Variants in OSBPL10 observed in about 807,000 individuals in gnomAD.
OSBPL10 encodes the protein oxysterol-binding protein-related protein 10.
In OSBPL10, 49 loss-of-function variants were observed where a neutral mutation model predicts 81.7. That is an observed-to-expected ratio of 0.60 (90% CI 0.48 to 0.76). The LOEUF is 0.76. OSBPL10 is among the 30% of genes least tolerant of loss of function. The probability of loss-of-function intolerance (pLI) is 0.00; values close to 1 mark genes in which losing one functional copy is unlikely to be tolerated. For missense variants in OSBPL10, 923 were observed against 987.8 expected (o/e 0.93, Z 0.88); for synonymous variants, 419 against 383.6 (o/e 1.09, Z -1.08).
chr3:31,770,864 A>G (rs2125746223), intron 4 of OSBPL10, among the ~76,000 whole-genome samples: 1 of 152,250 alleles, frequency 6.6e-6, no homozygotes, highest in East Asian at 1.9e-4. Flanking sequence ...GAGAAAATAC[A>G]AGCTCCTACT....
intron 4 of OSBPL10, among the ~76,000 whole-genome samples, chr3:31,787,600 A>G (rs1420976713): frequency 6.6e-6 from 1 of 151,938 alleles, no homozygotes; most frequent in Non-Finnish European, 1.5e-5. Flanking sequence ...GCCTCAAAAA[A>G]AAAAAAAAAA....
chr3:31,778,340 G>A lies in OSBPL10; in HGVS notation c.730-30220C>T, dbSNP rs140697757. ...ACTACCCCCATCCTCCACAGTGGCC[G>A]TGGCAAGCCCTGCCCAAGGAGAGTC... On this transcript the variant is annotated intron_variant, in intron 4 of 11. Transcript: ENST00000396556. 1.9e-3 allele frequency among the ~76,000 whole-genome samples: 289 copies of A among 152,198 alleles called. 3 individuals carry two copies. The highest frequency in any genetic ancestry group is 6.6e-3 in the African/African-American group (276 of 41,526).
chr3:31,792,702 GGTGT>G (rs1404326942), intron 4 of OSBPL10, among the ~76,000 whole-genome samples: 1 of 149,802 alleles, frequency 6.7e-6, no homozygotes, highest in Non-Finnish European at 1.5e-5. Context: ...GGTGTGCAGG[GGTGT>G]GTGTGTTTTA....
At chr3:32,007,709 C>T (rs1182316030) in intron 2 of OSBPL10, among the ~76,000 whole-genome samples, 1 of 152,008 alleles carries the variant, frequency 6.6e-6, no homozygotes, top group Non-Finnish European at 1.5e-5. Context: ...TCTCAAAATT[C>T]TTTCTTTTTT....
At chr3:31,835,417 G>T (rs1575574574) in intron 3 of OSBPL10, among the ~76,000 whole-genome samples, 1 of 152,130 alleles carries the variant, frequency 6.6e-6, no homozygotes, top group South Asian at 2.1e-4. Context: ...TCAAAAGTTT[G>T]TAATTGTTGA....
At chr3:31,927,565 T>A (rs1697110648) in intron 1 of OSBPL10, among the ~76,000 whole-genome samples, 2 of 151,720 alleles carry the variant, frequency 1.3e-5, no homozygotes, top group Non-Finnish European at 1.5e-5. Context: ...AACTATTTTT[T>A]AAATTGTACT....
At position 31,909,943 on chromosome 3, in the gene OSBPL10, G is replaced by A. The variant is rs537936398; in HGVS notation, c.282-30113C>T. Among the ~76,000 whole-genome samples, 18 of 151,020 alleles carry A rather than the reference G, an allele frequency of 1.2e-4. No individual in the cohort carries two copies. In the East Asian group the frequency reaches 1.6e-3, roughly 13 times the overall value. Reference sequence around the variant, plus strand: ...GCACCAAGAGGCTGGCTACACTGGCGCTGTGTAAGACAATCATTTTGCATC... The same window carrying A: ...GCACCAAGAGGCTGGCTACACTGGCACTGTGTAAGACAATCATTTTGCATC... On this transcript the variant is annotated intron_variant, in intron 1 of 11. Coordinates refer to ENST00000396556, the MANE Select transcript of OSBPL10 (RefSeq NM_017784.5).
At chr3:31,711,635 C>T (rs1028653732) in intron 6 of OSBPL10, among the ~76,000 whole-genome samples, 3 of 152,144 alleles carry the variant, frequency 2.0e-5, no homozygotes, top group African/African-American at 7.2e-5. Context: ...TGTTGTGATT[C>T]CACTTCTATG....
At chr3:31,730,429 A>C (rs1696938650) in intron 6 of OSBPL10, among the ~76,000 whole-genome samples, 1 of 152,152 alleles carries the variant, frequency 6.6e-6, no homozygotes, top group Non-Finnish European at 1.5e-5. Flanking sequence ...TCTTGTCCTA[A>C]AGTAAGGCAT....
intron 1 of OSBPL10, among the ~76,000 whole-genome samples, chr3:31,924,104 G>A (rs1187557712): frequency 1.3e-5 from 2 of 151,572 alleles, no homozygotes; most frequent in African/African-American, 2.4e-5. Context: ...TGGAATCCCA[G>A]CTACTTGGGA....
chr3:31,997,414 G>A (rs1250317024), intron 2 of OSBPL10, among the ~76,000 whole-genome samples: 1 of 151,682 alleles, frequency 6.6e-6, no homozygotes, highest in African/African-American at 2.4e-5. Context: ...ACAAGCACGA[G>A]CCACCACACC....
intron 2 of OSBPL10, among the ~76,000 whole-genome samples, chr3:32,000,325 C>T (rs1699133149): frequency 6.6e-6 from 1 of 152,166 alleles, no homozygotes; most frequent in Non-Finnish European, 1.5e-5. Context: ...AATACGGGCT[C>T]AAAGACCAAA....
chr3:31,969,975 A>G (rs1177253170), intron 1 of OSBPL10, among the ~76,000 whole-genome samples: 1 of 152,136 alleles, frequency 6.6e-6, no homozygotes, highest in Non-Finnish European at 1.5e-5. Flanking sequence ...CAGTGGAATT[A>G]GCTGGTCCTA....
intron 3 of OSBPL10, among the ~76,000 whole-genome samples, chr3:31,841,749 G>GT (rs1700504023): frequency 6.6e-6 from 1 of 152,120 alleles, no homozygotes; most frequent in South Asian, 2.1e-4. Flanking sequence ...GCTGAGCTGG[G>GT]TATTTACTAA....
intron 1 of OSBPL10, among the ~76,000 whole-genome samples, chr3:31,890,351 G>A (rs1243721285): frequency 6.6e-6 from 1 of 151,838 alleles, no homozygotes; most frequent in Non-Finnish European, 1.5e-5. Flanking sequence ...AGCCCAGACA[G>A]TGGATTTCTT....
chr3:31,891,396 C>G (rs1695887523), intron 1 of OSBPL10, among the ~76,000 whole-genome samples: 2 of 152,188 alleles, frequency 1.3e-5, no homozygotes, highest in Admixed American at 6.5e-5. Flanking sequence ...TTGGGAACCA[C>G]TTGTTTTCAT....
At chr3:31,879,293 G>A (rs997002106) in intron 2 of OSBPL10, 13 of 164,950 alleles carry the variant, frequency 7.9e-5, no homozygotes, top group African/African-American at 3.1e-4. Context: ...ACCCTTAAAG[G>A]TCTTTTTTTG....
rs551813426 is a variant in OSBPL10 at position 31,879,728 on chromosome 3, T to G, written c.384A>C (p.Ile128=). 23 of 1,614,210 alleles carry G rather than the reference T, an allele frequency of 1.4e-5. No homozygotes were observed. The South Asian group carries it at 2.3e-4, about 16-fold the overall frequency. Residue 128 remains isoleucine (I), a synonymous_variant, in exon 2 of 12, where the codon ATA becomes ATC. Transcript: ENST00000396556. The part of the protein sequence containing the change: ...PRGVLSLSGA[I]VSLSDEAPHM... ...GGGGAGCTTCATCGCTCAGGGACACTATGGCTCCAGATAAAGACAGGACTC... is the reference window on the plus strand; with the variant it reads ...GGGGAGCTTCATCGCTCAGGGACACGATGGCTCCAGATAAAGACAGGACTC...
At chr3:31,748,294 A>T (rs1206534601) in intron 4 of OSBPL10, among the ~76,000 whole-genome samples, 174 bp from the exon 5 acceptor site, 7 of 152,176 alleles carry the variant, frequency 4.6e-5, no homozygotes, top group Non-Finnish European at 8.8e-5. Flanking sequence ...TGTCAAGGCA[A>T]ATTTAGCCAA....
Sources: gnomAD v4.1 joint callset for allele counts (sites outside exome capture counted in the v4.1 genomes callset) on GRCh38, gnomAD v4.1.1 for gene constraint, MANE v1.5 for transcripts, NCBI Gene and HGNC (gene_info 2026-07-23, HGNC 2026-07-21) for gene names.